Variants in HHAT observed in about 807,000 individuals in gnomAD.
The protein encoded by HHAT is protein-cysteine N-palmitoyltransferase HHAT.
Under a neutral mutation model 70.8 loss-of-function variants are expected in HHAT, and 47 were observed. The ratio of observed to expected loss-of-function variants is 0.66; its 90% confidence interval spans 0.53 to 0.85. The LOEUF (loss-of-function observed/expected upper bound fraction) is 0.85. Among genes scored for constraint, HHAT ranks in the 40% least tolerant of loss-of-function variants. The pLI, the probability that HHAT is intolerant of heterozygous loss-of-function variation, is 0.00. For synonymous variants in HHAT, 228 were observed against 247.6 expected (o/e 0.92, Z 0.74); for missense variants, 609 against 604.8 (o/e 1.01, Z -0.07).
chr1:210,411,876 C>T (rs913273083), intron 6 of HHAT, among the ~76,000 whole-genome samples: 1 of 152,186 alleles, frequency 6.6e-6, no homozygotes, highest in African/African-American at 2.4e-5. Context: ...CCTCTAGCCT[C>T]TACAGACTAA....
At chr1:210,575,376 A>G (rs955594002) in intron 9 of HHAT, among the ~76,000 whole-genome samples, 3 of 152,174 alleles carry the variant, frequency 2.0e-5, no homozygotes, top group Non-Finnish European at 4.4e-5. Flanking sequence ...GGACCTTTTT[A>G]TTAGCAATTA....
In HHAT at chr1:210,449,639, T is replaced by C. The variant is rs541764048; in HGVS notation, c.857-14866T>C. Among the ~76,000 whole-genome samples the C allele has an allele frequency of 1.6e-3, 251 of 152,310 alleles. 2 individuals are homozygous for C. Among genetic ancestry groups the C allele is most frequent in the African/African-American group, 5.7e-3 (239 of 41,572 alleles). The stretch of plus-strand genomic sequence containing the variant: ...CATGGCTGTAATGAATTACTTTTCA[T>C]TGGGAGAGAGAAGCTGAGTGTTCCA... On this transcript the variant is annotated intron_variant, in intron 7 of 11. Transcript: ENST00000261458.
intron 11 of HHAT, among the ~76,000 whole-genome samples, chr1:210,627,048 C>G (rs1191944182): frequency 2.0e-5 from 3 of 152,138 alleles, no homozygotes; most frequent in Non-Finnish European, 2.9e-5. Flanking sequence ...AGCATTTAAG[C>G]TCAGTGTCTA....
intron 11 of HHAT, among the ~76,000 whole-genome samples, chr1:210,652,779 C>T (rs1675437134): frequency 6.6e-6 from 1 of 152,202 alleles, no homozygotes; most frequent in African/African-American, 2.4e-5. Context: ...AGACACTCAA[C>T]CTCACTCTGC....
chr1:210,398,605 C>T (rs752155849), intron 4 of HHAT, among the ~76,000 whole-genome samples: 15 of 152,298 alleles, frequency 9.8e-5, no homozygotes, highest in East Asian at 1.9e-4. Flanking sequence ...AGTTCCCAAA[C>T]GAATCCCAGC....
At chr1:210,599,639 T>C (rs1663794729) in intron 10 of HHAT, among the ~76,000 whole-genome samples, 2 of 152,220 alleles carry the variant, frequency 1.3e-5, no homozygotes, top group South Asian at 4.1e-4. Context: ...TTTGTTTGTT[T>C]CTATTTCTAC....
At chr1:210,367,859 C>A (rs960129281) in intron 3 of HHAT, among the ~76,000 whole-genome samples, 4 of 152,056 alleles carry the variant, frequency 2.6e-5, no homozygotes, top group Non-Finnish European at 4.4e-5. Flanking sequence ...GTTTTTGCAT[C>A]CTTTTTTTGT....
chr1:210,432,801 AG>A (rs2093283189), intron 7 of HHAT, among the ~76,000 whole-genome samples: 1 of 151,728 alleles, frequency 6.6e-6, no homozygotes, highest in East Asian at 1.9e-4. Flanking sequence ...TTCAGCTTCA[AG>A]GTTTTGGTGC....
At chr1:210,446,605 C>T (rs1196349765) in intron 7 of HHAT, among the ~76,000 whole-genome samples, 1 of 152,182 alleles carries the variant, frequency 6.6e-6, no homozygotes, top group Non-Finnish European at 1.5e-5. Flanking sequence ...CCCACCCTTG[C>T]CCCGGCCTCT....
chr1:210,376,551 G>A (rs2090234184), intron 3 of HHAT, among the ~76,000 whole-genome samples: 1 of 152,188 alleles, frequency 6.6e-6, no homozygotes, highest in South Asian at 2.1e-4. Flanking sequence ...GAAAGATGGT[G>A]GAAGTAATGG....
chr1:210,339,148 A>G (rs1209794275), intron 1 of HHAT, among the ~76,000 whole-genome samples: 1 of 152,202 alleles, frequency 6.6e-6, no homozygotes, highest in Non-Finnish European at 1.5e-5. Flanking sequence ...AGGAATTCCC[A>G]AACTGGCTGG....
rs371716665 is a variant in HHAT, at chr1:210,669,193, G to A, written c.1391-5095G>A. ...GCCCTGTGTGCTGATGCTCTTTTCC[G>A]TCAGTATCAAACCGCAGGCTTTCCA... On this transcript the variant is annotated intron_variant, in intron 11 of 11. Coordinates refer to ENST00000261458, the MANE Select transcript of HHAT (RefSeq NM_018194.6). Among the ~76,000 whole-genome samples the A allele has an allele frequency of 4.5e-4, 69 of 152,214 alleles. 1 individual carries two copies. The South Asian group carries it at 0.012, about 27-fold the overall frequency.
intron 9 of HHAT, among the ~76,000 whole-genome samples, chr1:210,545,118 T>G (rs533847785): frequency 3.9e-5 from 6 of 152,216 alleles, no homozygotes; most frequent in Admixed American, 3.9e-4. Flanking sequence ...CAAGGTACCC[T>G]TTGCTTAAAA....
intron 4 of HHAT, among the ~76,000 whole-genome samples, chr1:210,393,722 T>G (rs1213943247): frequency 2.6e-5 from 4 of 152,206 alleles, no homozygotes; most frequent in Non-Finnish European, 5.9e-5. Flanking sequence ...CTTTGCATTT[T>G]TCTTGGAATG....
intron 9 of HHAT, among the ~76,000 whole-genome samples, chr1:210,544,741 A>T (rs918291653): frequency 6.6e-6 from 1 of 152,084 alleles, no homozygotes; most frequent in South Asian, 2.1e-4. Flanking sequence ...TGGTTCTCTT[A>T]TAGGTGTCCT....
intron 10 of HHAT, among the ~76,000 whole-genome samples, chr1:210,594,412 A>G (rs1327690068): frequency 6.6e-6 from 1 of 152,214 alleles, no homozygotes; most frequent in Non-Finnish European, 1.5e-5. Context: ...GCATAAACAA[A>G]TTAATAAGCA....
intron 4 of HHAT, among the ~76,000 whole-genome samples, chr1:210,389,703 G>C (rs989065000): frequency 6.6e-6 from 1 of 152,204 alleles, no homozygotes; most frequent in African/African-American, 2.4e-5. Context: ...TGTTAAGTCT[G>C]TGGAAGTGTG....
At chr1:210,494,949 T>G (rs1048832009) in intron 8 of HHAT, among the ~76,000 whole-genome samples, 3 of 152,068 alleles carry the variant, frequency 2.0e-5, no homozygotes, top group East Asian at 1.9e-4. Context: ...GACTCCCAAT[T>G]TGGGAGTCTT....
At chr1:210,601,848 A>C (rs2148821201) in intron 10 of HHAT, among the ~76,000 whole-genome samples, 1 of 152,258 alleles carries the variant, frequency 6.6e-6, no homozygotes, top group South Asian at 2.1e-4. Context: ...TAGTCTTCCC[A>C]GGCATTGCTT....
Sources: allele counts gnomAD v4.1 joint callset (sites outside exome capture counted in the v4.1 genomes callset), GRCh38; gene constraint gnomAD v4.1.1; transcripts MANE v1.5; gene names NCBI Gene and HGNC (gene_info 2026-07-23, HGNC 2026-07-21).